FHL1: variants seen among roughly 807,000 people sequenced by gnomAD.
The protein encoded by FHL1 is four and a half LIM domains 1.
FHL1 carries 1 observed loss-of-function variant against 20.3 expected under a neutral mutation model. The ratio of observed to expected loss-of-function variants is 0.05; its 90% CI spans 0.02 to 0.23. FHL1 has a LOEUF of 0.23. FHL1 is among the 10% of genes least tolerant of loss of function. The pLI is 1.00. For synonymous variants in FHL1, 82 were observed against 88.9 expected (o/e 0.92, Z 0.44); for missense variants, 177 against 234.0 (o/e 0.76, Z 1.59).
intron 2 of FHL1, among the ~76,000 whole-genome samples, chrX:136,178,403 G>T (rs1179411328): frequency 8.9e-6 from 1 of 111,787 alleles, no homozygotes; most frequent in African/African-American, 3.3e-5. Flanking sequence ...TCTCACTGAA[G>T]GATACCTAAT....
At chrX:136,161,194 G>T (rs920280094) in intron 1 of FHL1, among the ~76,000 whole-genome samples, 2 of 111,253 alleles carry the variant, frequency 1.8e-5, no homozygotes, top group Non-Finnish European at 3.8e-5. Context: ...TGTGGGACAG[G>T]CATGTGACAG....
At chrX:136,186,248 A>G (rs1185992226) in intron 2 of FHL1, among the ~76,000 whole-genome samples, 1 of 111,093 alleles carries the variant, frequency 9.0e-6, no homozygotes, top group Non-Finnish European at 1.9e-5. Context: ...TGCAAAGAGC[A>G]TGGATTTGGA....
At chrX:136,150,780 G>A (rs184362745) in intron 1 of FHL1, among the ~76,000 whole-genome samples, 431 of 112,307 alleles carry the variant, frequency 3.8e-3, no homozygotes, top group African/African-American at 0.013. Context: ...TTATGAAAAT[G>A]AAAAATAGAC....
At chrX:136,208,743 G>A in intron 5 of FHL1, 102 bp downstream of exon 5, 2 of 824,896 alleles carry the variant, frequency 2.4e-6, no homozygotes, top group Non-Finnish European at 3.6e-6. Flanking sequence ...GGCCCCCAGA[G>A]AATGCCCTTC....
At chrX:136,176,143 T>A (rs1157823776) in intron 2 of FHL1, among the ~76,000 whole-genome samples, 1 of 112,221 alleles carries the variant, frequency 8.9e-6, no homozygotes, top group Non-Finnish European at 1.9e-5. Context: ...TAAATATTTG[T>A]TTCAGAGCTT....
intron 1 of FHL1, among the ~76,000 whole-genome samples, chrX:136,198,824 G>A (rs1374965870): frequency 8.9e-6 from 1 of 111,793 alleles, no homozygotes; most frequent in Non-Finnish European, 1.9e-5. Flanking sequence ...GGTTTGGGGT[G>A]TGGAGGGGGA....
At chrX:136,208,319 C>A in intron 4 of FHL1, 136 bp from the exon 5 acceptor site, 1 of 676,235 alleles carries the variant, frequency 1.5e-6, no homozygotes, top group Non-Finnish European at 2.4e-6. Flanking sequence ...TAATAATAGC[C>A]CCTGCCTCCC....
At chrX:136,169,556 C>T (rs780528125), upstream of FHL1, 571 of 243,404 alleles carry the variant, frequency 2.3e-3, 1 homozygote, top group Non-Finnish European at 2.3e-3. Context: ...CTATTCTAAA[C>T]GACTGAGTCA....
upstream of FHL1, among the ~76,000 whole-genome samples, chrX:136,165,695 C>T (rs2072692997): frequency 1.8e-5 from 2 of 111,979 alleles, no homozygotes; most frequent in African/African-American, 6.5e-5. Flanking sequence ...TTCTTTCAAA[C>T]AGCTGTTGTC....
intron 2 of FHL1, among the ~76,000 whole-genome samples, chrX:136,190,392 G>T (rs1174675030): frequency 8.9e-6 from 1 of 111,953 alleles, no homozygotes; most frequent in Non-Finnish European, 1.9e-5. Context: ...ATCTCTCTCA[G>T]CTCTGCGTCA....
At chrX:136,157,537 A>C (rs1429524809) in intron 1 of FHL1, among the ~76,000 whole-genome samples, 1 of 111,603 alleles carries the variant, frequency 9.0e-6, no homozygotes, top group Admixed American at 9.5e-5. Flanking sequence ...AGACAGATGT[A>C]TATACCCATG....
intron 1 of FHL1, among the ~76,000 whole-genome samples, chrX:136,153,911 T>TG (rs1717709471): frequency 1.8e-5 from 2 of 111,868 alleles, no homozygotes; most frequent in Non-Finnish European, 1.9e-5. Flanking sequence ...AAGGGAAAGC[T>TG]GACAGGTAGT....
intron 1 of FHL1, among the ~76,000 whole-genome samples, chrX:136,205,677 A>G (rs978102354): frequency 4.4e-5 from 5 of 112,507 alleles, no homozygotes; most frequent in African/African-American, 1.6e-4. Flanking sequence ...GTAAATTTAA[A>G]CATTTTAAAC....
chrX:136,208,086 T>C (rs986336121), intron 4 of FHL1, 125 bp downstream of exon 4: 10 of 883,107 alleles, frequency 1.1e-5, no homozygotes, highest in South Asian at 4.3e-5. Flanking sequence ...GGAATTATTA[T>C]TCCCGTTTTA....
At chrX:136,177,962 G>A (rs749727250) in intron 2 of FHL1, among the ~76,000 whole-genome samples, 62 of 112,126 alleles carry the variant, frequency 5.5e-4, no homozygotes, top group Non-Finnish European at 1.1e-3. Flanking sequence ...TTGAAACCTT[G>A]ACTCACTTGT....
At chrX:136,160,530 A>T (rs1230797549) in intron 1 of FHL1, among the ~76,000 whole-genome samples, 1 of 111,543 alleles carries the variant, frequency 9.0e-6, no homozygotes, top group Non-Finnish European at 1.9e-5. Flanking sequence ...GGGCGCAAAC[A>T]ATCCCTCTGC....
chrX:136,202,200 A>T (rs1358924035), intron 1 of FHL1, among the ~76,000 whole-genome samples: 5 of 110,694 alleles, frequency 4.5e-5, no homozygotes, highest in Non-Finnish European at 9.4e-5. Context: ...CCCCGTCTCT[A>T]CTAAAAATAC....
At chrX:136,167,700 A>G (rs1462820805), upstream of FHL1, 1 of 111,679 alleles carries the variant, frequency 9.0e-6, no homozygotes, top group African/African-American at 3.3e-5. Flanking sequence ...TCCAAGCTGG[A>G]ATGTGCAGAG....
chrX:136,202,932 A>G (rs750190355), intron 1 of FHL1, among the ~76,000 whole-genome samples: 13 of 112,082 alleles, frequency 1.2e-4, no homozygotes, highest in Non-Finnish European at 2.1e-4. Context: ...CACATCATTC[A>G]TATTTTATAC....
Sources: allele counts gnomAD v4.1 joint callset (sites outside exome capture counted in the v4.1 genomes callset), GRCh38; gene constraint gnomAD v4.1.1; transcripts MANE v1.5; gene names NCBI Gene and HGNC (gene_info 2026-07-23, HGNC 2026-07-21).